The following PAIP2B variants were observed in gnomAD, a reference collection of about 807,000 sequenced individuals.
PAIP2B encodes the protein poly(A) binding protein interacting protein 2B.
In PAIP2B, 13 loss-of-function variants were observed where a neutral mutation model predicts 17.0. That is an observed-to-expected ratio of 0.76 (90% confidence interval 0.50 to 1.22). The LOEUF (loss-of-function observed/expected upper bound fraction) is 1.22, where lower values mean the gene tolerates loss of function less well. Among genes scored for constraint, PAIP2B ranks in the 50% most tolerant of loss-of-function variants. The pLI is 0.00. For synonymous variants in PAIP2B, 43 were observed against 48.7 expected (o/e 0.88, Z 0.48); for missense variants, 117 against 144.5 (o/e 0.81, Z 0.98).
intron 1 of PAIP2B, among the ~76,000 whole-genome samples, chr2:71,208,964 T>C (rs1439571145): frequency 6.6e-6 from 1 of 152,100 alleles, no homozygotes; most frequent in Non-Finnish European, 1.5e-5. Flanking sequence ...TATGAGACAA[T>C]AAATGTTGTT....
intron 1 of PAIP2B, among the ~76,000 whole-genome samples, chr2:71,226,042 A>G (rs1675714659): frequency 6.6e-6 from 1 of 152,236 alleles, no homozygotes; most frequent in Non-Finnish European, 1.5e-5. Flanking sequence ...AAATAATAGT[A>G]ACAAAATTTA....
At position 71,227,020 on chromosome 2, in the gene PAIP2B, G is replaced by A. The variant is rs762543354; in HGVS notation, c.-104C>T. Reference sequence around the variant, plus strand: ...CGTAGAGGTCGCCGTCGCCACAACAGTCTCGGCCTTTAGTACCAAAACGTG... The same window carrying A: ...CGTAGAGGTCGCCGTCGCCACAACAATCTCGGCCTTTAGTACCAAAACGTG... On this transcript the variant is annotated 5_prime_UTR_variant, in exon 1 of 4. Transcript: ENST00000244221. 7 of 153,104 alleles carry A rather than the reference G, an allele frequency of 4.6e-5. No homozygotes were observed. The highest frequency in any genetic ancestry group is 2.6e-4 in the Admixed American group (4 of 15,264). 9.5% of individuals were successfully genotyped at this position (153,104 alleles called of 1,614,324 possible). A position where few individuals can be genotyped will look rare whatever the true frequency, so the allele number is the denominator to read the frequency against.
chr2:71,219,882 A>G (rs1420841793), intron 1 of PAIP2B, among the ~76,000 whole-genome samples: 1 of 152,062 alleles, frequency 6.6e-6, no homozygotes, highest in Non-Finnish European at 1.5e-5. Context: ...TTCTTACTCT[A>G]CTCTTCTCTC....
At chr2:71,203,718 A>G (rs2103787910) in intron 1 of PAIP2B, among the ~76,000 whole-genome samples, 1 of 151,568 alleles carries the variant, frequency 6.6e-6, no homozygotes, top group South Asian at 2.1e-4. Context: ...TATATTTGTT[A>G]TAATTTTTAT....
In PAIP2B at chr2:71,182,815, T is replaced by C. The variant is rs558126880; in HGVS notation, c.*5664A>G. Reference sequence around the variant, plus strand: ...CAAATTTTTTACAAAGTAACTTTTTTCCATTTTTGATATTTTTATGAAAAT... The same window carrying C: ...CAAATTTTTTACAAAGTAACTTTTTCCCATTTTTGATATTTTTATGAAAAT... On this transcript the variant is annotated 3_prime_UTR_variant, in exon 4 of 4. Coordinates refer to ENST00000244221, the MANE Select transcript of PAIP2B (RefSeq NM_020459.1). 1 of 152,358 alleles carries C rather than the reference T, an allele frequency of 6.6e-6. No individual in the cohort carries two copies. The highest frequency in any genetic ancestry group is 6.5e-5 in the Admixed American group (1 of 15,300). 9.4% of individuals were successfully genotyped at this position (152,358 alleles called of 1,614,324 possible).
At chr2:71,198,567 G>A (rs1265273583) in intron 2 of PAIP2B, among the ~76,000 whole-genome samples, 8 of 152,076 alleles carry the variant, frequency 5.3e-5, no homozygotes, top group South Asian at 2.1e-4. Flanking sequence ...TTACAGGCGT[G>A]AGCCACCGCG....
At chr2:71,204,123 A>T (rs1162537471) in intron 1 of PAIP2B, among the ~76,000 whole-genome samples, 1 of 152,122 alleles carries the variant, frequency 6.6e-6, no homozygotes, top group East Asian at 1.9e-4. Flanking sequence ...AATTCCTGAC[A>T]AGCAAGATTG....
intron 2 of PAIP2B, among the ~76,000 whole-genome samples, chr2:71,198,244 C>T (rs1047446829): frequency 2.0e-4 from 20 of 99,998 alleles, no homozygotes; most frequent in Middle Eastern, 8.7e-3. Flanking sequence ...CTCAGCCTCC[C>T]GAGTAGCTGG....
rs1181426352 is a variant in PAIP2B at position 71,184,754 on chromosome 2, G to C, written c.*3725C>G. On this transcript the variant is annotated 3_prime_UTR_variant, in exon 4 of 4. Coordinates refer to ENST00000244221, the MANE Select transcript of PAIP2B (RefSeq NM_020459.1). ...GGCCCCCACTACACACCAAATTAGA[G>C]TCAATCCTCCTGTTCTCCCCACCCA... The C allele has an allele frequency of 6.6e-6, 1 of 152,184 alleles. No homozygotes were observed. Among genetic ancestry groups the C allele is most frequent in the Non-Finnish European group, 1.5e-5 (1 of 68,068 alleles). 9.4% of individuals were successfully genotyped at this position (152,184 alleles called of 1,614,324 possible).
rs993935767 is a variant in PAIP2B, at chr2:71,183,933, A to C, written c.*4546T>G. 1 of 152,228 alleles carries C rather than the reference A, an allele frequency of 6.6e-6. No homozygotes were observed. The highest frequency in any genetic ancestry group is 1.5e-5 in the Non-Finnish European group (1 of 68,048). 9.4% of individuals were successfully genotyped at this position (152,228 alleles called of 1,614,324 possible). A position where few individuals can be genotyped will look rare whatever the true frequency, so the allele number is the denominator to read the frequency against. The stretch of plus-strand genomic sequence containing the variant: ...ATGATATGTAACATATGCCTCATTA[A>C]AGTTGTTTTAAGAAAAGGATTCCCT... On this transcript the variant is annotated 3_prime_UTR_variant, in exon 4 of 4. Coordinates refer to ENST00000244221, the MANE Select transcript of PAIP2B (RefSeq NM_020459.1).
intron 1 of PAIP2B, among the ~76,000 whole-genome samples, chr2:71,225,296 A>G (rs1408565815): frequency 6.6e-6 from 1 of 152,228 alleles, no homozygotes; most frequent in Non-Finnish European, 1.5e-5. Flanking sequence ...TTTTCTTTAT[A>G]TACAAGATAC....
intron 1 of PAIP2B, among the ~76,000 whole-genome samples, chr2:71,224,709 C>A (rs1401568398): frequency 6.6e-6 from 1 of 152,166 alleles, no homozygotes; most frequent in African/African-American, 2.4e-5. Flanking sequence ...CCTGTATATA[C>A]CTTCTACTGC....
rs1674510831 is a variant in PAIP2B at position 71,185,389 on chromosome 2, C to T, written c.*3090G>A. ...CTTGGGAAATAGAGCAAGATCCAGTCTCTACAAAAAATAAAAATAATAAAA... is the reference window on the plus strand; with the variant it reads ...CTTGGGAAATAGAGCAAGATCCAGTTTCTACAAAAAATAAAAATAATAAAA... On this transcript the variant is annotated 3_prime_UTR_variant, in exon 4 of 4. Transcript: ENST00000244221. 2 of 151,688 alleles carry T rather than the reference C, an allele frequency of 1.3e-5. No individual in the cohort carries two copies. The highest frequency in any genetic ancestry group is 6.6e-5 in the Admixed American group (1 of 15,200). The allele number at this position is 151,688 out of a possible 1,614,324, so 9.4% of individuals were successfully genotyped here. A position where few individuals can be genotyped will look rare whatever the true frequency, so the allele number is the denominator to read the frequency against.
intron 1 of PAIP2B, among the ~76,000 whole-genome samples, chr2:71,209,207 T>C (rs1318226065): frequency 1.3e-5 from 2 of 152,120 alleles, no homozygotes; most frequent in Non-Finnish European, 2.9e-5. Context: ...ATACCAAGTA[T>C]GAGATAACTC....
chr2:71,203,072 A>C (rs996750840), intron 1 of PAIP2B, among the ~76,000 whole-genome samples: 2 of 152,154 alleles, frequency 1.3e-5, no homozygotes, highest in African/African-American at 4.8e-5. Context: ...GATAAGCAAA[A>C]AGGAAAAAAC....
chr2:71,221,127 A>C (rs1356231902), intron 1 of PAIP2B, among the ~76,000 whole-genome samples: 1 of 152,222 alleles, frequency 6.6e-6, no homozygotes, highest in East Asian at 1.9e-4. Context: ...CTTTCCCTAA[A>C]ACTTCCATCC....
At position 71,187,233 on chromosome 2, in the gene PAIP2B, G is replaced by A. The variant is rs1674563642; in HGVS notation, c.*1246C>T. The A allele has an allele frequency of 6.6e-6, 1 of 152,192 alleles. No homozygotes were observed. Among genetic ancestry groups the A allele is most frequent in the African/African-American group, 2.4e-5 (1 of 41,418 alleles). The allele number at this position is 152,192 out of a possible 1,614,324, so 9.4% of individuals were successfully genotyped here. ...GGGTAGCAACAAAAGACCCCAGCAAGTTAAAGGCAGGAAAGACAAAGAAAC... is the reference window on the plus strand; with the variant it reads ...GGGTAGCAACAAAAGACCCCAGCAAATTAAAGGCAGGAAAGACAAAGAAAC... On this transcript the variant is annotated 3_prime_UTR_variant, in exon 4 of 4. Transcript: ENST00000244221.
intron 2 of PAIP2B, among the ~76,000 whole-genome samples, chr2:71,196,762 T>A (rs767770780): frequency 1.3e-5 from 2 of 152,174 alleles, no homozygotes; most frequent in African/African-American, 4.8e-5. Context: ...TTTACCATTA[T>A]GTAATGTCCT....
intron 1 of PAIP2B, among the ~76,000 whole-genome samples, chr2:71,206,460 C>T (rs1675130052): frequency 6.6e-6 from 1 of 152,194 alleles, no homozygotes; most frequent in African/African-American, 2.4e-5. Context: ...TGTTAATAGT[C>T]AATACAGGGG....
Sources: allele counts gnomAD v4.1 joint callset (sites outside exome capture counted in the v4.1 genomes callset), GRCh38; gene constraint gnomAD v4.1.1; transcripts MANE v1.5; gene names NCBI Gene and HGNC (gene_info 2026-07-23, HGNC 2026-07-21).